Variants in SRPRA observed in about 807,000 individuals in gnomAD.
SRPRA encodes SRP receptor subunit alpha.
In SRPRA, 30 loss-of-function variants were observed where a neutral mutation model predicts 61.1. The ratio of observed to expected loss-of-function variants is 0.49; its 90% CI spans 0.37 to 0.67. SRPRA has a LOEUF of 0.67. Among genes scored for constraint, SRPRA ranks in the 30% least tolerant of loss-of-function variants. The pLI is 0.00. For synonymous variants in SRPRA, 324 were observed against 299.7 expected, an observed-to-expected ratio of 1.08 and a Z score of -0.84; for missense variants, 759 against 828.4, an observed-to-expected ratio of 0.92 and a Z score of 1.03.
chr11:126,248,465 G>T, the SRPRA span, among the ~76,000 whole-genome samples: 1 of 136,362 alleles, frequency 7.3e-6, no homozygotes, highest in East Asian at 2.4e-4. Context: ...CTGCCTCCCG[G>T]ATTCAAGCGA....
At chr11:126,241,096 A>C in the SRPRA span, 1 of 1,502,894 alleles carries the variant, frequency 6.7e-7, no homozygotes, top group South Asian at 1.4e-5. Context: ...AAATTTAACT[A>C]TCACAACTAG....
rs909940663 is a variant in SRPRA at position 126,263,766 on chromosome 11, G to A, written c.*150C>T. 6.4e-6 allele frequency: 7 copies of A among 1,090,984 alleles called. No individual in the cohort carries two copies. The highest frequency in any genetic ancestry group is 9.2e-6 in the Non-Finnish European group (7 of 760,018). The allele number at this position is 1,090,984 out of a possible 1,614,324, so 67.6% of individuals were successfully genotyped here. On this transcript the variant is annotated 3_prime_UTR_variant, in exon 14 of 14. Coordinates refer to ENST00000332118, the MANE Select transcript of SRPRA (RefSeq NM_003139.4). ...TTGCAGATGGCGGCTGTGCTGAACG[G>A]GGAGTGGGGTTGGAAGGAGCCACAA...
At chr11:126,252,478 G>A in the SRPRA span, among the ~76,000 whole-genome samples, 3 of 152,180 alleles carry the variant, frequency 2.0e-5, no homozygotes, top group Non-Finnish European at 4.4e-5. The surrounding 1 kb of genome is among the most constrained non-coding windows in gnomAD (Gnocchi z 4.7). Context: ...GGGCACAGCA[G>A]CTCAGGCCTG....
At chr11:126,256,966 C>A in the SRPRA span, 1 of 1,114,086 alleles carries the variant, frequency 9.0e-7, no homozygotes, top group Non-Finnish European at 1.3e-6. The surrounding 1 kb of genome is among the most constrained non-coding windows in gnomAD (Gnocchi z 6.6). Context: ...TAATGACTGA[C>A]CAAATTGTAA....
At chr11:126,236,660 C>G in the SRPRA span, among the ~76,000 whole-genome samples, 1 of 152,026 alleles carries the variant, frequency 6.6e-6, no homozygotes, top group Non-Finnish European at 1.5e-5. Context: ...TTGATACTTT[C>G]CATTACAATG....
chr11:126,258,333 G>A (rs1950613500), downstream of SRPRA, among the ~76,000 whole-genome samples: 1 of 152,184 alleles, frequency 6.6e-6, no homozygotes, highest in Non-Finnish European at 1.5e-5. Flanking sequence ...TCTGCAGTGA[G>A]CTATGATTGC....
chr11:126,259,731 ATTGAT>A (rs1950647209), downstream of SRPRA, among the ~76,000 whole-genome samples: 2 of 108,926 alleles, frequency 1.8e-5, no homozygotes, highest in African/African-American at 3.6e-5. Flanking sequence ...GGGCCTATTT[ATTGAT>A]TTGAGATGGA....
In SRPRA at chr11:126,267,832, G is replaced by A. The variant is rs1356468732; in HGVS notation, c.202-120C>T. Reference sequence around the variant, plus strand: ...GCTACCTGGCCGGTTTCCCTGTCCTGAGAGGCAGCCAAGCTCCCTGCCTGG... The same window carrying A: ...GCTACCTGGCCGGTTTCCCTGTCCTAAGAGGCAGCCAAGCTCCCTGCCTGG... On this transcript the variant is annotated intron_variant, in intron 2 of 13. Coordinates refer to ENST00000332118, the MANE Select transcript of SRPRA (RefSeq NM_003139.4). The surrounding 1 kb of genome is among the most constrained non-coding windows in gnomAD (Gnocchi z 4.2). 6 of 1,468,766 alleles carry A rather than the reference G, an allele frequency of 4.1e-6. No homozygotes were observed. Among genetic ancestry groups the A allele is most frequent in the Non-Finnish European group, 5.6e-6 (6 of 1,072,080 alleles). The allele number at this position is 1,468,766 out of a possible 1,614,324, so 91.0% of individuals were successfully genotyped here. A position where few individuals can be genotyped will look rare whatever the true frequency, so the allele number is the denominator to read the frequency against.
chr11:126,248,646 A>G, the SRPRA span, among the ~76,000 whole-genome samples: 3 of 152,162 alleles, frequency 2.0e-5, no homozygotes, highest in Non-Finnish European at 2.9e-5. Context: ...CTGGGATTAC[A>G]GGCGTGAGCC....
chr11:126,256,481 C>G, the SRPRA span: 4 of 1,281,280 alleles, frequency 3.1e-6, no homozygotes, highest in South Asian at 5.5e-5. The surrounding 1 kb of genome is among the most constrained non-coding windows in gnomAD (Gnocchi z 6.6). Context: ...TCATCACAGT[C>G]TGCTCAACGT....
At position 126,267,818 on chromosome 11, in the gene SRPRA, G is replaced by C. The variant is rs1417093254; in HGVS notation, c.202-106C>G. ...CAGAGATAGGTTCAGCTACCTGGCC[G>C]GTTTCCCTGTCCTGAGAGGCAGCCA... On this transcript the variant is annotated intron_variant, in intron 2 of 13. Transcript: ENST00000332118. The surrounding 1 kb of genome is among the most constrained non-coding windows in gnomAD (Gnocchi z 4.2). 1 of 1,512,300 alleles carries C rather than the reference G, an allele frequency of 6.6e-7. No individual in the cohort carries two copies. Among genetic ancestry groups the C allele is most frequent in the Non-Finnish European group, 9.0e-7 (1 of 1,107,638 alleles). 93.7% of individuals were successfully genotyped at this position (1,512,300 alleles called of 1,614,324 possible).
At position 126,265,442 on chromosome 11, in the gene SRPRA, T is replaced by C; in HGVS notation, c.1139-2A>G. The C allele has an allele frequency of 6.2e-7, 1 of 1,609,450 alleles. No homozygotes were observed. Among genetic ancestry groups the C allele is most frequent in the Non-Finnish European group, 8.5e-7 (1 of 1,177,538 alleles). The stretch of plus-strand genomic sequence containing the variant: ...CTTGCTTTACTGTGGAAGTCACCGC[T>C]GAAAGGGGAGGTGGAGGAGGTTGCA... On this transcript the variant is annotated splice_acceptor_variant, in intron 9 of 13. Coordinates refer to ENST00000332118, the MANE Select transcript of SRPRA (RefSeq NM_003139.4). LOFTEE classifies it high-confidence loss of function. The surrounding 1 kb of genome is among the most constrained non-coding windows in gnomAD (Gnocchi z 6.3).
Position 126,265,887 on chromosome 11 carries a change from T to C in SRPRA, c.1052-64A>G. The C allele has an allele frequency of 6.2e-7, 1 of 1,610,700 alleles. No individual in the cohort carries two copies. The highest frequency in any genetic ancestry group is 8.5e-7 in the Non-Finnish European group (1 of 1,176,940). ...CAATGACCAATCTTTATGGTACAGG[T>C]GAGAAACGCTAGGTGATTCTGCTCT... On this transcript the variant is annotated intron_variant, in intron 8 of 13. Transcript: ENST00000332118. The surrounding 1 kb of genome is among the most constrained non-coding windows in gnomAD (Gnocchi z 6.3).
Position 126,265,862 on chromosome 11 carries a change from C to G in SRPRA, c.1052-39G>C, listed in dbSNP as rs919776222. On this transcript the variant is annotated intron_variant, in intron 8 of 13. Coordinates refer to ENST00000332118, the MANE Select transcript of SRPRA (RefSeq NM_003139.4). This position sits in a 1 kb window ranked among gnomAD's most constrained non-coding sequence, Gnocchi z 6.3. ...GACAGGTATGTCAGTTCCATGTCAG[C>G]AATGACCAATCTTTATGGTACAGGT... 6.9e-5 allele frequency: 111 copies of G among 1,613,084 alleles called. No homozygotes were observed. The highest frequency in any genetic ancestry group is 9.2e-5 in the Non-Finnish European group (108 of 1,179,138).
downstream of SRPRA, among the ~76,000 whole-genome samples, chr11:126,258,867 A>G (rs77760499): frequency 0.11 from 16,459 of 152,310 alleles, 1,160 homozygotes; most frequent in Non-Finnish European, 0.16. Context: ...AGACTGTTGC[A>G]TTACATAACA....
rs776423281 is a variant in SRPRA, at chr11:126,266,128, A to C, written c.933-47T>G. 29 of 1,612,606 alleles carry C rather than the reference A, an allele frequency of 1.8e-5. No individual in the cohort carries two copies. The South Asian group carries it at 3.1e-4, about 17-fold the overall frequency. ...CATACACATAAAACCAGTAGGCAGGAGTTGTATCTTACCAGTTTTGCAGAT... is the reference window on the plus strand; with the variant it reads ...CATACACATAAAACCAGTAGGCAGGCGTTGTATCTTACCAGTTTTGCAGAT... On this transcript the variant is annotated intron_variant, in intron 7 of 13. Coordinates refer to ENST00000332118, the MANE Select transcript of SRPRA (RefSeq NM_003139.4).
At chr11:126,237,161 C>T in the SRPRA span, among the ~76,000 whole-genome samples, 1 of 148,254 alleles carries the variant, frequency 6.7e-6, no homozygotes, top group East Asian at 2.0e-4. Context: ...CATGATCCAC[C>T]TGCCTCAGCC....
the SRPRA span, among the ~76,000 whole-genome samples, chr11:126,245,636 A>G: frequency 3.3e-5 from 5 of 151,344 alleles, no homozygotes; most frequent in South Asian, 2.1e-4. Flanking sequence ...CGAGGCTGCA[A>G]TCAGCTATGA....
chr11:126,238,223 G>A, the SRPRA span, among the ~76,000 whole-genome samples: 2 of 152,096 alleles, frequency 1.3e-5, no homozygotes, highest in Non-Finnish European at 2.9e-5. Context: ...TTGGCTGGGT[G>A]TGGTGGCACG....
Sources: allele counts gnomAD v4.1 joint callset (sites outside exome capture counted in the v4.1 genomes callset), GRCh38; gene constraint gnomAD v4.1.1; non-coding constraint Gnocchi (gnomAD v3.1); transcripts MANE v1.5; gene names NCBI Gene and HGNC (gene_info 2026-07-23, HGNC 2026-07-21).